The following NRXN1 variants were observed in gnomAD, a reference collection of about 807,000 sequenced individuals.
The protein encoded by NRXN1 is neurexin-1.
In NRXN1, 39 loss-of-function variants were observed where a neutral mutation model predicts 150.9. The ratio of observed to expected loss-of-function variants is 0.26; its 90% CI spans 0.20 to 0.34. NRXN1 has a LOEUF of 0.34. Among genes scored for constraint, NRXN1 ranks in the 10% least tolerant of loss-of-function variants. NRXN1 has a pLI of 1.00. For missense variants in NRXN1, 1,815 were observed against 1,949.9 expected (o/e 0.93, Z 1.30); for synonymous variants, 924 against 757.0 (o/e 1.22, Z -3.62).
chr2:50,845,091 A>G (rs1040306306), intron 5 of NRXN1, among the ~76,000 whole-genome samples: 1 of 152,082 alleles, frequency 6.6e-6, no homozygotes, highest in Non-Finnish European at 1.5e-5. Context: ...CCTAGGTTCA[A>G]GTGATCCTCC....
chr2:50,981,709 G>C (rs1228437825), intron 2 of NRXN1, among the ~76,000 whole-genome samples: 2 of 151,830 alleles, frequency 1.3e-5, no homozygotes, highest in Non-Finnish European at 2.9e-5. Flanking sequence ...TCAGAAATTA[G>C]AAAATGAAAT....
chr2:50,898,642 A>G (rs1411199944), intron 5 of NRXN1: 3 of 445,960 alleles, frequency 6.7e-6, no homozygotes, highest in East Asian at 6.4e-5. Flanking sequence ...TTGTTCTACA[A>G]TCTAAATTCC....
chr2:49,990,580 T>C (rs998780962), intron 21 of NRXN1, among the ~76,000 whole-genome samples: 3 of 152,104 alleles, frequency 2.0e-5, no homozygotes, highest in African/African-American at 7.2e-5. Flanking sequence ...GCCACAGGTA[T>C]TGGTGGTGGA....
chr2:50,321,802 A>C (rs1260576424), intron 17 of NRXN1, among the ~76,000 whole-genome samples: 1 of 152,120 alleles, frequency 6.6e-6, no homozygotes, highest in Non-Finnish European at 1.5e-5. Context: ...CATTCTAATA[A>C]TAATAAAATA....
chr2:50,984,828 G>A (rs978358976), intron 2 of NRXN1, among the ~76,000 whole-genome samples: 1 of 151,868 alleles, frequency 6.6e-6, no homozygotes, highest in South Asian at 2.1e-4. Context: ...TAGAGAAACC[G>A]CTTAAAGAGT....
chr2:50,565,200 G>T (rs1163279405), intron 8 of NRXN1, among the ~76,000 whole-genome samples: 1 of 152,030 alleles, frequency 6.6e-6, no homozygotes, highest in East Asian at 1.9e-4. Context: ...GAGAGAAGCA[G>T]GAATGGGACC....
intron 5 of NRXN1, among the ~76,000 whole-genome samples, chr2:50,810,218 G>T (rs1317752646): frequency 2.0e-5 from 3 of 152,098 alleles, no homozygotes; most frequent in African/African-American, 7.2e-5. Context: ...ATATGGTAAA[G>T]GTGTTGCTTT....
intron 19 of NRXN1, among the ~76,000 whole-genome samples, chr2:50,063,030 T>C (rs866837512): frequency 1.3e-5 from 2 of 152,182 alleles, no homozygotes; most frequent in Non-Finnish European, 2.9e-5. Context: ...AGAAGATTAG[T>C]AACCTGTGTA....
chr2:50,486,446 A>AT (rs968371687), intron 15 of NRXN1, among the ~76,000 whole-genome samples: 15 of 152,206 alleles, frequency 9.9e-5, no homozygotes, highest in African/African-American at 3.6e-4. Flanking sequence ...TTTGGATATC[A>AT]TTTTGGGAAA....
intron 5 of NRXN1, among the ~76,000 whole-genome samples, chr2:50,783,744 C>T (rs1378940281): frequency 6.6e-6 from 1 of 152,110 alleles, no homozygotes; most frequent in African/African-American, 2.4e-5. Flanking sequence ...AAACATAGTG[C>T]TACTTTTCCA....
rs140503716 is a variant in NRXN1 at position 50,167,721 on chromosome 2, AC to A, written c.3546+69067del. On this transcript the variant is annotated intron_variant, in intron 18 of 22. Coordinates refer to ENST00000401669, the MANE Select transcript of NRXN1 (RefSeq NM_001330078.2). ...AACTGTACACTAGAGTTAACTAGGGACCTTTAACAAATTTTGATGCCTAGTT... is the reference window on the plus strand; with the variant it reads ...AACTGTACACTAGAGTTAACTAGGGACTTTAACAAATTTTGATGCCTAGTT... Among the ~76,000 whole-genome samples, 969 of 152,300 alleles carry A rather than the reference AC, an allele frequency of 6.4e-3. 7 individuals carry two copies. Among genetic ancestry groups the A allele is most frequent in the Non-Finnish European group, 9.6e-3 (654 of 68,018 alleles).
At chr2:50,803,910 G>A (rs1476014722) in intron 5 of NRXN1, among the ~76,000 whole-genome samples, 2 of 152,016 alleles carry the variant, frequency 1.3e-5, no homozygotes, top group Non-Finnish European at 2.9e-5. Context: ...CTTTTGCACT[G>A]GGCCTTTGAC....
intron 18 of NRXN1, among the ~76,000 whole-genome samples, chr2:50,152,441 G>GTT (rs1446331807): frequency 6.6e-6 from 1 of 151,622 alleles, no homozygotes; most frequent in Non-Finnish European, 1.5e-5. Context: ...CTTAACCACA[G>GTT]GGAATATGTT....
At chr2:50,884,690 C>T (rs902606586) in intron 5 of NRXN1, among the ~76,000 whole-genome samples, 1 of 151,462 alleles carries the variant, frequency 6.6e-6, no homozygotes, top group Non-Finnish European at 1.5e-5. Flanking sequence ...ACTTGAAACT[C>T]TATGATAGTT....
intron 2 of NRXN1, among the ~76,000 whole-genome samples, chr2:51,014,416 A>T (rs1258679332): frequency 6.6e-6 from 1 of 152,084 alleles, no homozygotes; most frequent in Non-Finnish European, 1.5e-5. Context: ...GACATAAAAA[A>T]ATTAATTTAT....
chr2:50,873,396 A>T (rs1233959187), intron 5 of NRXN1, among the ~76,000 whole-genome samples: 1 of 151,852 alleles, frequency 6.6e-6, no homozygotes, highest in Non-Finnish European at 1.5e-5. Context: ...ACTTCTAAAG[A>T]ATTTCATGAT....
intron 5 of NRXN1, among the ~76,000 whole-genome samples, chr2:50,830,466 T>G (rs1293014519): frequency 3.3e-5 from 5 of 151,590 alleles, no homozygotes; most frequent in Non-Finnish European, 5.9e-5. Flanking sequence ...ACTTGAAACC[T>G]TGGGCAGACG....
At chr2:50,266,771 G>A (rs1002651865) in intron 17 of NRXN1, among the ~76,000 whole-genome samples, 48 of 151,958 alleles carry the variant, frequency 3.2e-4, no homozygotes, top group African/African-American at 1.1e-3. Flanking sequence ...TAATGACTCC[G>A]CTGTGAAGAA....
chr2:50,204,341 C>CGTGTGTGT (rs70946895), intron 18 of NRXN1, among the ~76,000 whole-genome samples: 3 of 111,416 alleles, frequency 2.7e-5, no homozygotes, highest in Non-Finnish European at 3.8e-5. Flanking sequence ...TAAGAAATAC[C>CGTGTGTGT]GTGTGTGTGT....
Sources: gnomAD v4.1 joint callset for allele counts (sites outside exome capture counted in the v4.1 genomes callset) on GRCh38, gnomAD v4.1.1 for gene constraint, MANE v1.5 for transcripts, NCBI Gene and HGNC (gene_info 2026-07-23, HGNC 2026-07-21) for gene names.